TENT5A: variants seen among roughly 807,000 people sequenced by gnomAD.
TENT5A encodes the protein terminal nucleotidyltransferase 5A.
In TENT5A, 9 loss-of-function variants were observed where a neutral mutation model predicts 30.2. The ratio of observed to expected loss-of-function variants is 0.30; its 90% CI spans 0.18 to 0.52. The LOEUF is 0.52. TENT5A is among the 20% of genes least tolerant of loss of function. TENT5A has a pLI of 0.97. For synonymous variants in TENT5A, 264 were observed against 234.2 expected, an observed-to-expected ratio of 1.13 and a Z score of -1.16; for missense variants, 411 against 566.1, an observed-to-expected ratio of 0.73 and a Z score of 2.78.
rs1383103606 is a variant in TENT5A at position 81,750,362 on chromosome 6, G to A, written c.662C>T (p.Ser221Phe). Reference protein sequence around the residue: ...GKNVELKFVDSLRRQFEFSVD... With the variant: ...GKNVELKFVDFLRRQFEFSVD... ...ACTGAATTCAAACTGCCTCCGGAGG[G>A]AATCCACAAATTTCAGTTCCACATT... is the stretch of plus-strand genomic sequence containing the variant. The change falls in exon 3 of 3, where the codon TCC becomes TTC. Residue 221 changes from serine (S) to phenylalanine (F), a missense_variant. Physicochemically the swap from Ser to Phe is radical, Grantham distance 155. Coordinates refer to ENST00000320172, the MANE Select transcript of TENT5A (RefSeq NM_017633.3). This position sits in a 1 kb window ranked among gnomAD's most constrained non-coding sequence, Gnocchi z 4.2. The A allele has an allele frequency of 6.2e-7, 1 of 1,613,624 alleles. No individual in the cohort carries two copies. Among genetic ancestry groups the A allele is most frequent in the South Asian group, 1.1e-5 (1 of 90,968 alleles).
chr6:81,752,327 C>A (rs745984813), intron 1 of TENT5A, 104 bp downstream of exon 1: 4 of 1,544,842 alleles, frequency 2.6e-6, no homozygotes, highest in Non-Finnish European at 3.5e-6. Context: ...CCTCCCCCGG[C>A]CCTTACAGTC....
intron 2 of TENT5A, 46 bp downstream of exon 2, chr6:81,751,544 C>A (rs1223037076): frequency 2.0e-6 from 3 of 1,521,352 alleles, no homozygotes; most frequent in Non-Finnish European, 2.7e-6. Context: ...CCGTCACACC[C>A]GGCCCAGACT....
At position 81,749,317 on chromosome 6, in the gene TENT5A, TAAAAG is replaced by T; in HGVS notation, c.*373_*377del. ...ATTTTCCCTTTTATGAATTCCATCT[TAAAAG>T]AAACTTTCCACTTTTTTTTTTCCTA... On this transcript the variant is annotated 3_prime_UTR_variant, in exon 3 of 3. Coordinates refer to ENST00000320172, the MANE Select transcript of TENT5A (RefSeq NM_017633.3). 1 of 1,008,934 alleles carries T rather than the reference TAAAAG, an allele frequency of 9.9e-7. No homozygotes were observed. The highest frequency in any genetic ancestry group is 4.6e-5 in the South Asian group (1 of 21,636). 62.5% of individuals were successfully genotyped at this position (1,008,934 alleles called of 1,614,324 possible). A position where few individuals can be genotyped will look rare whatever the true frequency, so the allele number is the denominator to read the frequency against.
In TENT5A at chr6:81,749,092, C is replaced by G. The variant is rs768430738; in HGVS notation, c.*603G>C. On this transcript the variant is annotated 3_prime_UTR_variant, in exon 3 of 3. Coordinates refer to ENST00000320172, the MANE Select transcript of TENT5A (RefSeq NM_017633.3). ...TCATCATAAGTTCTGCTGATTGTTA[C>G]GAGAACTGCACCAACCTACTACTGT... The G allele has an allele frequency of 7.1e-6, 7 of 985,702 alleles. No individual in the cohort carries two copies. The highest frequency in any genetic ancestry group is 7.2e-6 in the Non-Finnish European group (6 of 829,940). The allele number at this position is 985,702 out of a possible 1,614,324, so 61.1% of individuals were successfully genotyped here.
At position 81,747,301 on chromosome 6, in the gene TENT5A, T is replaced by C. The variant is rs772138125; in HGVS notation, c.*2394A>G. The C allele has an allele frequency of 3.1e-5, 31 of 985,722 alleles. No homozygotes were observed. The highest frequency in any genetic ancestry group is 3.6e-5 in the Non-Finnish European group (30 of 829,940). 61.1% of individuals were successfully genotyped at this position (985,722 alleles called of 1,614,324 possible). On this transcript the variant is annotated 3_prime_UTR_variant, in exon 3 of 3. Coordinates refer to ENST00000320172, the MANE Select transcript of TENT5A (RefSeq NM_017633.3). ...GGTTTCTGATAGGTGAGTGCCAGGC[T>C]TAATCTGCAAACTGAACAATGTTTC...
At position 81,749,362 on chromosome 6, in the gene TENT5A, G is replaced by A. The variant is rs1430305917; in HGVS notation, c.*333C>T. 1.9e-6 allele frequency: 2 copies of A among 1,065,720 alleles called. No individual in the cohort carries two copies. The highest frequency in any genetic ancestry group is 1.7e-5 in the African/African-American group (1 of 60,358). The allele number at this position is 1,065,720 out of a possible 1,614,324, so 66.0% of individuals were successfully genotyped here. A position where few individuals can be genotyped will look rare whatever the true frequency, so the allele number is the denominator to read the frequency against. On this transcript the variant is annotated 3_prime_UTR_variant, in exon 3 of 3. Coordinates refer to ENST00000320172, the MANE Select transcript of TENT5A (RefSeq NM_017633.3). ...TTTTTTTCCTATGGCAAAGCTATGG[G>A]AGCAGATACAGCAAACCCATATTGT...
rs913878519 is a variant in TENT5A at position 81,749,039 on chromosome 6, T to A, written c.*656A>T. 1 of 985,762 alleles carries A rather than the reference T, an allele frequency of 1.0e-6. No homozygotes were observed. The highest frequency in any genetic ancestry group is 1.7e-5 in the African/African-American group (1 of 57,254). The allele number at this position is 985,762 out of a possible 1,614,324, so 61.1% of individuals were successfully genotyped here. On this transcript the variant is annotated 3_prime_UTR_variant, in exon 3 of 3. Coordinates refer to ENST00000320172, the MANE Select transcript of TENT5A (RefSeq NM_017633.3). Reference sequence around the variant, plus strand: ...TTTTACATTTTAAAAATGTGATCTATGCACGCAGCTGGAATTAATGGATTG... The same window carrying A: ...TTTTACATTTTAAAAATGTGATCTAAGCACGCAGCTGGAATTAATGGATTG...
rs565370307 is a variant in TENT5A, at chr6:81,751,960, G to A, written c.182C>T (p.Ala61Val). ...CTCCCAGTTCAGCACATTGCAGTGC[G>A]CCGTAGGGCTTTCGCAATAGTCCAA... ...HCLDYCESPT[A>V]HCNVLNWEQV... The change falls in exon 2 of 3, where the codon GCG (alanine) becomes GTG (valine). Residue 61 changes from alanine to valine, a missense_variant. Ala to Val is a moderately conservative substitution (Grantham distance 64). Transcript: ENST00000320172. The A allele has an allele frequency of 3.8e-5, 61 of 1,598,302 alleles. 2 individuals carry two copies. In the South Asian group the frequency reaches 6.4e-4, roughly 17 times the overall value.
chr6:81,749,414 G>A lies in TENT5A; in HGVS notation c.*281C>T. The A allele has an allele frequency of 8.5e-7, 1 of 1,175,272 alleles. No homozygotes were observed. Among genetic ancestry groups the A allele is most frequent in the African/African-American group, 1.6e-5 (1 of 63,100 alleles). The allele number at this position is 1,175,272 out of a possible 1,614,324, so 72.8% of individuals were successfully genotyped here. ...ATCACACATTTCTTCTCTTGTATCAGGAGAACCTGGTTGCTTCTAATGACA... is the reference window on the plus strand; with the variant it reads ...ATCACACATTTCTTCTCTTGTATCAAGAGAACCTGGTTGCTTCTAATGACA... On this transcript the variant is annotated 3_prime_UTR_variant, in exon 3 of 3. Coordinates refer to ENST00000320172, the MANE Select transcript of TENT5A (RefSeq NM_017633.3).
intron 2 of TENT5A, 76 bp downstream of exon 2, chr6:81,751,514 G>C: frequency 3.0e-6 from 4 of 1,317,032 alleles, no homozygotes; most frequent in Non-Finnish European, 4.2e-6. Flanking sequence ...GCATTTAACC[G>C]ATGCCCCTCT....
Position 81,745,893 on chromosome 6 carries a change from A to G in TENT5A, c.*3802T>C. ...GCCTGTGACGCAGCCTATAGTCAAA[A>G]TATTCCAAAAGAGTGACCCAAGGTG... On this transcript the variant is annotated 3_prime_UTR_variant, in exon 3 of 3. Coordinates refer to ENST00000320172, the MANE Select transcript of TENT5A (RefSeq NM_017633.3). The G allele has an allele frequency of 1.0e-6, 1 of 985,896 alleles. No individual in the cohort carries two copies. Among genetic ancestry groups the G allele is most frequent in the African/African-American group, 1.7e-5 (1 of 57,348 alleles). The allele number at this position is 985,896 out of a possible 1,614,324, so 61.1% of individuals were successfully genotyped here. A position where few individuals can be genotyped will look rare whatever the true frequency, so the allele number is the denominator to read the frequency against.
chr6:81,752,206 G>A (rs1438717321), intron 1 of TENT5A, 28 bp from the exon 2 acceptor site: 1 of 1,475,202 alleles, frequency 6.8e-7, no homozygotes, highest in South Asian at 1.4e-5. Flanking sequence ...GGAGCGCGGT[G>A]AGGACGCGCG....
In TENT5A at chr6:81,750,202, G is replaced by A. The variant is rs770111200; in HGVS notation, c.822C>T (p.His274=). The A allele has an allele frequency of 1.2e-6, 2 of 1,614,168 alleles. No individual in the cohort carries two copies. Among genetic ancestry groups the A allele is most frequent in the Admixed American group, 3.3e-5 (2 of 60,018 alleles). ...VYGDFQEAFD[H]LCNKIIATRN... ...TGGTGGCAATGATCTTGTTACAAAG[G>A]TGATCAAAGGCTTCCTGGAAATCGC... The change falls in exon 3 of 3, where the codon CAC becomes CAT. Residue 274 remains histidine, a synonymous_variant. Coordinates refer to ENST00000320172, the MANE Select transcript of TENT5A (RefSeq NM_017633.3). This position sits in a 1 kb window ranked among gnomAD's most constrained non-coding sequence, Gnocchi z 4.2.
rs112037452 is a variant in TENT5A, at chr6:81,750,041, T to G, written c.983A>C (p.Asp328Ala). ...CAGTTTTCTCTGCTGCTCTCCAATG[T>G]CTGAGAAGTCGATGAAAAACCTGGA... Reference protein sequence around the residue: ...MCSRFFIDFSDIGEQQRKLES... With the variant: ...MCSRFFIDFSAIGEQQRKLES... Residue 328 changes from aspartate to alanine, a missense_variant, in exon 3 of 3, where the codon GAC (aspartate) becomes GCC (alanine). Transcript: ENST00000320172. This position sits in a 1 kb window ranked among gnomAD's most constrained non-coding sequence, Gnocchi z 4.2. The G allele has an allele frequency of 4.3e-6, 7 of 1,614,204 alleles. No homozygotes were observed. Among genetic ancestry groups the G allele is most frequent in the South Asian group, 1.1e-5 (1 of 91,090 alleles).
In TENT5A at chr6:81,746,380, A is replaced by C; in HGVS notation, c.*3315T>G. ...GTGAAGCAACCAACAATAAGCAAAC[A>C]GAAAGGGGTGGTAAAAACAGTACGT... is the stretch of plus-strand genomic sequence containing the variant. On this transcript the variant is annotated 3_prime_UTR_variant, in exon 3 of 3. Coordinates refer to ENST00000320172, the MANE Select transcript of TENT5A (RefSeq NM_017633.3). 8.1e-7 allele frequency: 1 copy of C among 1,228,814 alleles called. No homozygotes were observed. Among genetic ancestry groups the C allele is most frequent in the Non-Finnish European group, 1.0e-6 (1 of 986,224 alleles). The allele number at this position is 1,228,814 out of a possible 1,614,324, so 76.1% of individuals were successfully genotyped here.
chr6:81,748,658 C>T lies in TENT5A; in HGVS notation c.*1037G>A, dbSNP rs953684617. ...TATATATAAAATGTATATATACACA[C>T]ACACATATAATTTATACACACATAC... On this transcript the variant is annotated 3_prime_UTR_variant, in exon 3 of 3. Coordinates refer to ENST00000320172, the MANE Select transcript of TENT5A (RefSeq NM_017633.3). 126 of 906,560 alleles carry T rather than the reference C, an allele frequency of 1.4e-4. No homozygotes were observed. Among genetic ancestry groups the T allele is most frequent in the Admixed American group, 1.9e-4 (3 of 16,108 alleles). The allele number at this position is 906,560 out of a possible 1,614,324, so 56.2% of individuals were successfully genotyped here. A position where few individuals can be genotyped will look rare whatever the true frequency, so the allele number is the denominator to read the frequency against.
chr6:81,751,647 C>G lies in TENT5A; in HGVS notation c.495G>C (p.Leu165=), dbSNP rs112399890. The G allele has an allele frequency of 1.9e-5, 30 of 1,614,120 alleles. 1 individual carries two copies. In the African/African-American group the frequency reaches 2.9e-4, roughly 16 times the overall value. ...QTVKDVVLDC[L]LDFLPEGVNK... Reference sequence around the variant, plus strand: ...TCACCCCCTCGGGTAAGAAGTCCAACAGGCAGTCCAGCACGACGTCCTTCA... The same window carrying G: ...TCACCCCCTCGGGTAAGAAGTCCAAGAGGCAGTCCAGCACGACGTCCTTCA... Residue 165 remains leucine, a synonymous_variant, in exon 2 of 3, where the codon CTG becomes CTC. Coordinates refer to ENST00000320172, the MANE Select transcript of TENT5A (RefSeq NM_017633.3).
rs116857996 is a variant in TENT5A, at chr6:81,746,029, T to C, written c.*3666A>G. 28 of 985,722 alleles carry C rather than the reference T, an allele frequency of 2.8e-5. No homozygotes were observed. In the East Asian group the frequency reaches 2.8e-3, roughly 100 times the overall value. The allele number at this position is 985,722 out of a possible 1,614,324, so 61.1% of individuals were successfully genotyped here. Reference sequence around the variant, plus strand: ...GTTCTGCAAGGCTTTGCAGCAAGTCTCGTTAACTTGACATCTTCCAACTTT... The same window carrying C: ...GTTCTGCAAGGCTTTGCAGCAAGTCCCGTTAACTTGACATCTTCCAACTTT... On this transcript the variant is annotated 3_prime_UTR_variant, in exon 3 of 3. Coordinates refer to ENST00000320172, the MANE Select transcript of TENT5A (RefSeq NM_017633.3).
Position 81,747,018 on chromosome 6 carries a change from G to C in TENT5A, c.*2677C>G. On this transcript the variant is annotated 3_prime_UTR_variant, in exon 3 of 3. Transcript: ENST00000320172. ...AAGCTACCAACCCTGAAGTAAGCAA[G>C]AAAAGAATATAAATATTTAAGAAAA... 1 of 985,466 alleles carries C rather than the reference G, an allele frequency of 1.0e-6. No individual in the cohort carries two copies. The highest frequency in any genetic ancestry group is 1.2e-6 in the Non-Finnish European group (1 of 829,770). The allele number at this position is 985,466 out of a possible 1,614,324, so 61.0% of individuals were successfully genotyped here. A position where few individuals can be genotyped will look rare whatever the true frequency, so the allele number is the denominator to read the frequency against.
Sources: allele counts gnomAD v4.1 joint callset, GRCh38; gene constraint gnomAD v4.1.1; non-coding constraint Gnocchi (gnomAD v3.1); transcripts MANE v1.5; gene names NCBI Gene and HGNC (gene_info 2026-07-23, HGNC 2026-07-21).